Variants in PCYT1A observed in about 807,000 individuals in gnomAD.
PCYT1A encodes the protein phosphate cytidylyltransferase 1A, choline.
A neutral mutation model predicts 43.7 loss-of-function variants in PCYT1A; 25 were observed. The ratio of observed to expected loss-of-function variants is 0.57; its 90% CI spans 0.42 to 0.80. PCYT1A has a LOEUF of 0.80. PCYT1A is among the 30% of genes least tolerant of loss of function. The pLI is 0.00. For synonymous variants in PCYT1A, 172 were observed against 170.7 expected (o/e 1.01, Z -0.06); for missense variants, 421 against 474.2 (o/e 0.89, Z 1.04).
At chr3:196,239,801 G>A (rs986978762) in intron 7 of PCYT1A, 66 bp from the exon 8 acceptor site, 60 of 1,073,898 alleles carry the variant, frequency 5.6e-5, no homozygotes, top group Middle Eastern at 2.1e-4. Context: ...ATAAGAGAAC[G>A]AAAAAACATG....
In PCYT1A at chr3:196,247,078, C is replaced by G. The variant is rs1724591785; in HGVS notation, c.486+289G>C. The stretch of plus-strand genomic sequence containing the variant: ...TAACTTGGAGCAGGTTATTTGGTTT[C>G]TCTAGCCCTTGTTACTCATATGTAA... On this transcript the variant is annotated intron_variant, in intron 5 of 8. Coordinates refer to ENST00000431016, the MANE Select transcript of PCYT1A (RefSeq NM_001312673.2). This position sits in a 1 kb window ranked among gnomAD's most constrained non-coding sequence, Gnocchi z 4.8. 6.6e-6 allele frequency among the ~76,000 whole-genome samples: 1 copy of G among 152,208 alleles called. No homozygotes were observed. The highest frequency in any genetic ancestry group is 2.1e-4 in the South Asian group (1 of 4,836).
intron 2 of PCYT1A, among the ~76,000 whole-genome samples, chr3:196,259,601 T>C (rs1470541660): frequency 6.6e-6 from 1 of 152,124 alleles, no homozygotes; most frequent in Non-Finnish European, 1.5e-5. Context: ...CCCAGCACTT[T>C]GGGAGGCCCA....
Position 196,257,873 on chromosome 3 carries a change from T to C in PCYT1A, c.132A>G (p.Pro44=). The C allele has an allele frequency of 6.2e-7, 1 of 1,612,346 alleles. No homozygotes were observed. The highest frequency in any genetic ancestry group is 8.5e-7 in the Non-Finnish European group (1 of 1,178,620). Residue 44 remains proline, a synonymous_variant, in exon 3 of 9, where the codon CCA becomes CCG. Coordinates refer to ENST00000431016, the MANE Select transcript of PCYT1A (RefSeq NM_001312673.2). ...CTTCAATTTCATCAGAAAAAGGAGC[T>C]GGTTGCCGTAAGCCCTTAAGAAATG... ...VQRCAVGLRQ[P]APFSDEIEVD... is the part of the protein sequence containing the mutation.
chr3:196,267,206 CT>C (rs905474044), intron 2 of PCYT1A: 4 of 354,834 alleles, frequency 1.1e-5, no homozygotes, highest in Non-Finnish European at 2.2e-5. Context: ...AAATTAAGTA[CT>C]TGTACATGTT....
chr3:196,238,906 G>T lies in PCYT1A; in HGVS notation c.898-12C>A. ...TTCAGCATATGTTTCTGCAGAAACCGAAAGGAAGAGTCAGAAAAACACCGT... is the reference window on the plus strand; with the variant it reads ...TTCAGCATATGTTTCTGCAGAAACCTAAAGGAAGAGTCAGAAAAACACCGT... On this transcript the variant is annotated splice_polypyrimidine_tract_variant and intron_variant, in intron 8 of 8. Coordinates refer to ENST00000431016, the MANE Select transcript of PCYT1A (RefSeq NM_001312673.2). 7.2e-7 allele frequency: 1 copy of T among 1,392,676 alleles called. No individual in the cohort carries two copies. The highest frequency in any genetic ancestry group is 2.8e-5 in the East Asian group (1 of 35,102). The allele number at this position is 1,392,676 out of a possible 1,614,324, so 86.3% of individuals were successfully genotyped here.
chr3:196,269,959 C>T (rs1029138751), intron 2 of PCYT1A, among the ~76,000 whole-genome samples: 11 of 152,110 alleles, frequency 7.2e-5, no homozygotes, highest in Admixed American at 1.3e-4. Context: ...CCGCATCCTC[C>T]GCCTCCCGAG....
rs78806250 is a variant in PCYT1A at position 196,280,624 on chromosome 3, C to T, written c.-11+6991G>A. ...TTCGATCCAAGTTTGGCTGAATCTG[C>T]GGATGTGGAGCCCATGGCCACGAAG... On this transcript the variant is annotated intron_variant, in intron 1 of 8. Coordinates refer to ENST00000431016, the MANE Select transcript of PCYT1A (RefSeq NM_001312673.2). Among the ~76,000 whole-genome samples, 722 of 122,486 alleles carry T rather than the reference C, an allele frequency of 5.9e-3. 8 individuals carry two copies. The highest frequency in any genetic ancestry group is 0.021 in the African/African-American group (675 of 32,272). The allele number at this position is 122,486 out of a possible 152,430, so 80.4% of individuals were successfully genotyped here.
In PCYT1A at chr3:196,242,487, T is replaced by C. The variant is rs1724390267; in HGVS notation, c.565+75A>G. On this transcript the variant is annotated intron_variant, in intron 6 of 8. Coordinates refer to ENST00000431016, the MANE Select transcript of PCYT1A (RefSeq NM_001312673.2). This position sits in a 1 kb window ranked among gnomAD's most constrained non-coding sequence, Gnocchi z 4.2. ...AATTTCTAATGTACACATTTTCCTC[T>C]GTAAAGCAGCAACATGGCTGAACAT... The C allele has an allele frequency of 2.0e-6, 2 of 985,584 alleles. No individual in the cohort carries two copies. Among genetic ancestry groups the C allele is most frequent in the African/African-American group, 1.6e-5 (1 of 62,996 alleles). 61.1% of individuals were successfully genotyped at this position (985,584 alleles called of 1,614,324 possible).
rs923168414 is a variant in PCYT1A, at chr3:196,248,030, A to C, written c.334+177T>G. 4.9e-6 allele frequency: 3 copies of C among 617,360 alleles called. No homozygotes were observed. The Admixed American group carries it at 8.2e-5, about 17-fold the overall frequency. 38.2% of individuals were successfully genotyped at this position (617,360 alleles called of 1,614,324 possible). A position where few individuals can be genotyped will look rare whatever the true frequency, so the allele number is the denominator to read the frequency against. On this transcript the variant is annotated intron_variant, in intron 4 of 8. Transcript: ENST00000431016. ...CAGATGGCACAGTCGAGGAGCTTGA[A>C]GCTCCTCTCTCCAGGTTTAGTTTGC...
chr3:196,286,186 C>G (rs539430010), intron 1 of PCYT1A, among the ~76,000 whole-genome samples: 19 of 152,126 alleles, frequency 1.2e-4, no homozygotes, highest in African/African-American at 4.1e-4. Context: ...CCTCAGCCTC[C>G]CCAGTAGCTG....
At chr3:196,239,348 A>G (rs1411318799) in intron 8 of PCYT1A, among the ~76,000 whole-genome samples, 199 bp downstream of exon 8, 6 of 152,242 alleles carry the variant, frequency 3.9e-5, no homozygotes, top group Non-Finnish European at 7.3e-5. Flanking sequence ...GAGAGCTGGC[A>G]AAATTATCTA....
intron 2 of PCYT1A, among the ~76,000 whole-genome samples, chr3:196,267,734 A>G (rs1725318508): frequency 6.6e-6 from 1 of 152,118 alleles, no homozygotes. Flanking sequence ...AAAAGAAAAA[A>G]ATTCTAAAAT....
rs1164859454 is a variant in PCYT1A, at chr3:196,277,948, T to A, written c.-10-7407A>T. ...TTTTCATTTTTTCCCGGCCTTCTTATGCCATCCCAATGTTCTCTCACATCT... is the reference window on the plus strand; with the variant it reads ...TTTTCATTTTTTCCCGGCCTTCTTAAGCCATCCCAATGTTCTCTCACATCT... On this transcript the variant is annotated intron_variant, in intron 1 of 8. Coordinates refer to ENST00000431016, the MANE Select transcript of PCYT1A (RefSeq NM_001312673.2). This position sits in a 1 kb window ranked among gnomAD's most constrained non-coding sequence, Gnocchi z 4.1. 6.6e-6 allele frequency among the ~76,000 whole-genome samples: 1 copy of A among 152,232 alleles called. No homozygotes were observed. The highest frequency in any genetic ancestry group is 1.9e-4 in the East Asian group (1 of 5,202).
intron 1 of PCYT1A, among the ~76,000 whole-genome samples, chr3:196,286,868 C>A (rs1378433838): frequency 6.6e-6 from 1 of 152,182 alleles, no homozygotes. Context: ...GAGCTGAGAT[C>A]GCGCCACTGC....
rs1432516506 is a variant in PCYT1A, at chr3:196,238,502, T to C, written c.*186A>G. ...TAAGGTGCAGTCCCCCTCCTTCGTG[T>C]GGGTGAGTGATGTCACTTGCAGGAC... On this transcript the variant is annotated 3_prime_UTR_variant, in exon 9 of 9. Transcript: ENST00000431016. 2.3e-6 allele frequency: 1 copy of C among 428,182 alleles called. No homozygotes were observed. The highest frequency in any genetic ancestry group is 4.2e-6 in the Non-Finnish European group (1 of 238,942). The allele number at this position is 428,182 out of a possible 1,614,324, so 26.5% of individuals were successfully genotyped here.
chr3:196,283,910 T>C (rs967390352), intron 1 of PCYT1A, among the ~76,000 whole-genome samples: 5 of 152,166 alleles, frequency 3.3e-5, no homozygotes, highest in Non-Finnish European at 5.9e-5. Context: ...AGCCACAATC[T>C]TGAGCAAAAA....
intron 5 of PCYT1A, among the ~76,000 whole-genome samples, chr3:196,245,143 C>CCTTTTTTT (rs1560163750): frequency 7.0e-6 from 1 of 142,102 alleles, no homozygotes; most frequent in Non-Finnish European, 1.5e-5. Context: ...CATTTCACTA[C>CCTTTTTTT]TTTTTTTTTT....
At chr3:196,254,203 T>C (rs978551285) in intron 3 of PCYT1A, among the ~76,000 whole-genome samples, 1 of 150,928 alleles carries the variant, frequency 6.6e-6, no homozygotes, top group Non-Finnish European at 1.5e-5. Flanking sequence ...ATTTTTTATA[T>C]TTTTAGTAGA....
intron 1 of PCYT1A, among the ~76,000 whole-genome samples, chr3:196,275,393 G>A (rs1725554524): frequency 6.6e-6 from 1 of 152,212 alleles, no homozygotes; most frequent in Non-Finnish European, 1.5e-5. Flanking sequence ...ATGGACAGAA[G>A]AGGGTGGAGA....
Sources: gnomAD v4.1 joint callset for allele counts (sites outside exome capture counted in the v4.1 genomes callset) on GRCh38, gnomAD v4.1.1 for gene constraint, Gnocchi (gnomAD v3.1) non-coding constraint, MANE v1.5 for transcripts, NCBI Gene and HGNC (gene_info 2026-07-23, HGNC 2026-07-21) for gene names.